Variants in PARD3B observed in about 807,000 individuals in gnomAD.
The protein encoded by PARD3B is partitioning defective 3 homolog B.
In PARD3B, 103 loss-of-function variants were observed where a neutral mutation model predicts 130.2. That is an observed-to-expected ratio of 0.79 (90% CI 0.67 to 0.93). PARD3B has a LOEUF of 0.93. Among genes scored for constraint, PARD3B ranks in the 40% least tolerant of loss-of-function variants. The probability of loss-of-function intolerance (pLI) is 0.00; values close to 1 mark genes in which losing one functional copy is unlikely to be tolerated. For synonymous variants in PARD3B, 583 were observed against 553.2 expected (o/e 1.05, Z -0.76); for missense variants, 1,609 against 1,499.2 (o/e 1.07, Z -1.21).
chr2:205,179,287 G>A (rs1448950591), intron 13 of PARD3B, among the ~76,000 whole-genome samples: 1 of 152,188 alleles, frequency 6.6e-6, no homozygotes, highest in Non-Finnish European at 1.5e-5. Context: ...CAAAGTTACT[G>A]AGATTGAAGA....
At chr2:204,617,827 T>G (rs2034165396) in intron 1 of PARD3B, among the ~76,000 whole-genome samples, 1 of 152,166 alleles carries the variant, frequency 6.6e-6, no homozygotes, top group Non-Finnish European at 1.5e-5. Context: ...TTAAGTTGCT[T>G]AGGATAATGG....
rs1183665245 is a variant in PARD3B at position 205,122,713 on chromosome 2, G to C, written c.1165+764G>C. ...TTATAGATTCTTGTCTGAATTAATA[G>C]AGAATTTATGGTCAAAAGGTAGTTT... On this transcript the variant is annotated intron_variant, in intron 8 of 22. Coordinates refer to ENST00000406610, the MANE Select transcript of PARD3B (RefSeq NM_001302769.2). The surrounding 1 kb of genome is among the most constrained non-coding windows in gnomAD (Gnocchi z 4.3). Among the ~76,000 whole-genome samples, 1 of 152,150 alleles carries C rather than the reference G, an allele frequency of 6.6e-6. No homozygotes were observed. The highest frequency in any genetic ancestry group is 1.9e-4 in the East Asian group (1 of 5,196).
At position 204,855,552 on chromosome 2, in the gene PARD3B, A is replaced by AAAT. The variant is rs892814373; in HGVS notation, c.223-109599_223-109598insATA. Among the ~76,000 whole-genome samples, 207 of 143,144 alleles carry AAAT rather than the reference A, an allele frequency of 1.4e-3. 2 individuals are homozygous for AAAT. The highest frequency in any genetic ancestry group is 4.8e-3 in the African/African-American group (181 of 37,604). 93.9% of individuals were successfully genotyped at this position (143,144 alleles called of 152,430 possible). ...CAAGACTCCCTCTAAAAGAAAAAAA[A>AAAT]ATATATATATATATATATATAAGGA... On this transcript the variant is annotated intron_variant, in intron 2 of 22. Transcript: ENST00000406610.
intron 12 of PARD3B, among the ~76,000 whole-genome samples, chr2:205,175,899 G>C (rs35911047): frequency 4.6e-4 from 20 of 43,770 alleles, no homozygotes; most frequent in Non-Finnish European, 1.4e-3. Context: ...GGAAATATAG[G>C]GGGGGAACCC....
intron 18 of PARD3B, among the ~76,000 whole-genome samples, chr2:205,369,899 TAAAC>T (rs2044745943): frequency 6.6e-6 from 1 of 152,216 alleles, no homozygotes; most frequent in Admixed American, 6.5e-5. Context: ...GCTTTTAAAA[TAAAC>T]AAGCAATAAT....
chr2:205,311,551 T>A (rs1249502906), intron 18 of PARD3B, among the ~76,000 whole-genome samples: 2 of 152,218 alleles, frequency 1.3e-5, no homozygotes, highest in Non-Finnish European at 2.9e-5. Flanking sequence ...ATTACCTTTG[T>A]CTCAAGCAAG....
chr2:205,496,364 A>G (rs1249565483), intron 20 of PARD3B, among the ~76,000 whole-genome samples: 1 of 152,200 alleles, frequency 6.6e-6, no homozygotes. Flanking sequence ...GAAAAGTCTG[A>G]TACCATTTCT....
intron 18 of PARD3B, among the ~76,000 whole-genome samples, chr2:205,361,937 AT>A (rs2044404785): frequency 6.6e-6 from 1 of 151,810 alleles, no homozygotes; most frequent in African/African-American, 2.4e-5. Context: ...ATTAGTCCCT[AT>A]TTTTTTGGCT....
chr2:205,172,474 C>G, intron 12 of PARD3B, 93 bp downstream of exon 12: 1 of 1,297,848 alleles, frequency 7.7e-7, no homozygotes, highest in African/African-American at 1.5e-5. Context: ...AGATTCATAT[C>G]GAGAAAATAT....
At chr2:205,587,173 C>T (rs1458699313) in intron 22 of PARD3B, among the ~76,000 whole-genome samples, 1 of 152,148 alleles carries the variant, frequency 6.6e-6, no homozygotes, top group Non-Finnish European at 1.5e-5. Flanking sequence ...TCATAGGTCT[C>T]AAAGAGCTAA....
intron 2 of PARD3B, among the ~76,000 whole-genome samples, chr2:204,913,712 T>C (rs2047335402): frequency 6.6e-6 from 1 of 152,212 alleles, no homozygotes; most frequent in Non-Finnish European, 1.5e-5. Context: ...TTAAGAAGTT[T>C]TGCAGTGCCC....
intron 2 of PARD3B, among the ~76,000 whole-genome samples, chr2:204,734,754 T>C (rs2039670642): frequency 6.6e-6 from 1 of 152,066 alleles, no homozygotes; most frequent in South Asian, 2.1e-4. Flanking sequence ...AGTGAGGAAA[T>C]TAACTGCAAA....
At chr2:205,499,811 T>A in intron 20 of PARD3B, 85 bp from the exon 21 acceptor site, 2 of 1,350,098 alleles carry the variant, frequency 1.5e-6, no homozygotes, top group Non-Finnish European at 1.0e-6. Flanking sequence ...AATTTAGATG[T>A]CAACTCCTTT....
In PARD3B at chr2:205,288,834, GTGACTTAAAGTC is replaced by G. The variant is rs2041497034; in HGVS notation, c.2186-11695_2186-11684del. Among the ~76,000 whole-genome samples, 1 of 152,134 alleles carries G rather than the reference GTGACTTAAAGTC, an allele frequency of 6.6e-6. No individual in the cohort carries two copies. The highest frequency in any genetic ancestry group is 1.5e-5 in the Non-Finnish European group (1 of 68,020). On this transcript the variant is annotated intron_variant, in intron 16 of 22. Transcript: ENST00000406610. This position sits in a 1 kb window ranked among gnomAD's most constrained non-coding sequence, Gnocchi z 4.0. ...CACATCATGCATAAAGTCTTACTCA[GTGACTTAAAGTC>G]ACACTGTGCTTTCTTTTCTCTGACT...
chr2:205,396,208 C>T (rs1476623584), intron 18 of PARD3B, among the ~76,000 whole-genome samples: 1 of 152,208 alleles, frequency 6.6e-6, no homozygotes, highest in African/African-American at 2.4e-5. Context: ...CCCAGGCAGT[C>T]ACTTCCCTGT....
chr2:204,615,706 G>T (rs1378224191), intron 1 of PARD3B, among the ~76,000 whole-genome samples: 3 of 152,032 alleles, frequency 2.0e-5, no homozygotes, highest in Non-Finnish European at 2.9e-5. Context: ...GAATAACCGT[G>T]GTTTCTCTGT....
intron 1 of PARD3B, among the ~76,000 whole-genome samples, chr2:204,608,264 G>A (rs186072193): frequency 1.3e-5 from 2 of 152,322 alleles, no homozygotes; most frequent in Admixed American, 1.3e-4. Context: ...AAAGTTTACA[G>A]CAAAGCACAT....
intron 2 of PARD3B, among the ~76,000 whole-genome samples, chr2:204,790,032 G>A (rs2042146927): frequency 6.6e-6 from 1 of 151,938 alleles, no homozygotes; most frequent in Admixed American, 6.6e-5. Flanking sequence ...CACCGCACCT[G>A]GCTAATTTTT....
intron 2 of PARD3B, among the ~76,000 whole-genome samples, chr2:204,875,620 A>G (rs1005425919): frequency 2.0e-5 from 3 of 152,210 alleles, no homozygotes; most frequent in Non-Finnish European, 4.4e-5. Flanking sequence ...GCCTTGAAAG[A>G]GAAACGGTGT....
Sources: gnomAD v4.1 joint callset for allele counts (sites outside exome capture counted in the v4.1 genomes callset) on GRCh38, gnomAD v4.1.1 for gene constraint, Gnocchi (gnomAD v3.1) non-coding constraint, MANE v1.5 for transcripts, NCBI Gene and HGNC (gene_info 2026-07-23, HGNC 2026-07-21) for gene names.